Variants in KLHL32 observed in about 807,000 individuals in gnomAD.
The protein encoded by KLHL32 is kelch like family member 32, also known as kelch-like protein 32.
In KLHL32, 35 loss-of-function variants were observed where a neutral mutation model predicts 64.8. That is an observed-to-expected ratio of 0.54 (90% CI 0.41 to 0.72). The LOEUF is 0.72. Among genes scored for constraint, KLHL32 ranks in the 30% least tolerant of loss-of-function variants. KLHL32 has a pLI of 0.00. For missense variants in KLHL32, 589 were observed against 768.5 expected (o/e 0.77, Z 2.76); for synonymous variants, 259 against 281.0 (o/e 0.92, Z 0.78).
At chr6:97,007,591 GT>G (rs760419870) in intron 3 of KLHL32, among the ~76,000 whole-genome samples, 26 of 152,196 alleles carry the variant, frequency 1.7e-4, no homozygotes, top group Non-Finnish European at 3.1e-4. Flanking sequence ...TCTTGCACTG[GT>G]TCTTTCTCAT....
intron 5 of KLHL32, among the ~76,000 whole-genome samples, chr6:97,078,200 T>G (rs1884168): frequency 0.5 from 75,482 of 152,018 alleles, 19,614 homozygotes; most frequent in African/African-American, 0.64. Flanking sequence ...AAAAAGAGAA[T>G]TTCTTGACTT....
At chr6:97,083,772 A>C (rs1187443568) in intron 5 of KLHL32, among the ~76,000 whole-genome samples, 2 of 152,206 alleles carry the variant, frequency 1.3e-5, no homozygotes, top group Non-Finnish European at 2.9e-5. Context: ...TCTTTCTATA[A>C]CAGCAGTAAT....
chr6:97,094,411 T>C (rs1794681499), intron 6 of KLHL32, among the ~76,000 whole-genome samples: 1 of 152,188 alleles, frequency 6.6e-6, no homozygotes, highest in Admixed American at 6.5e-5. Context: ...CCAAAACTTC[T>C]GCTACAAGGA....
chr6:97,028,918 TAGAA>T (rs1377973928), intron 3 of KLHL32, among the ~76,000 whole-genome samples: 9 of 152,182 alleles, frequency 5.9e-5, no homozygotes, highest in African/African-American at 1.9e-4. Context: ...GGGATACAAT[TAGAA>T]AGTAACAGAA....
At chr6:96,976,887 C>T (rs1384609884) in intron 3 of KLHL32, among the ~76,000 whole-genome samples, 1 of 152,162 alleles carries the variant, frequency 6.6e-6, no homozygotes, top group African/African-American at 2.4e-5. Flanking sequence ...ACACACACCA[C>T]CGCGGCCAGC....
At chr6:96,919,965 C>T (rs181510640), upstream of KLHL32, among the ~76,000 whole-genome samples, 213 of 152,308 alleles carry the variant, frequency 1.4e-3, 1 homozygote, top group African/African-American at 4.7e-3. Flanking sequence ...GAAAACCAAT[C>T]AACCAACCGA....
intron 3 of KLHL32, among the ~76,000 whole-genome samples, chr6:97,000,081 A>T (rs1001398540): frequency 6.6e-6 from 1 of 152,252 alleles, no homozygotes; most frequent in African/African-American, 2.4e-5. Flanking sequence ...AAGAAGGAAA[A>T]GTCAAAGATA....
At chr6:97,020,184 ACCCGC>A (rs1781798320) in intron 3 of KLHL32, among the ~76,000 whole-genome samples, 1 of 145,870 alleles carries the variant, frequency 6.9e-6, no homozygotes, top group Admixed American at 7.0e-5. Context: ...CTCATGATCC[ACCCGC>A]TTCGGCCTCC....
intron 8 of KLHL32, among the ~76,000 whole-genome samples, chr6:97,128,724 G>T (rs936391773): frequency 6.6e-6 from 1 of 152,230 alleles, no homozygotes; most frequent in Non-Finnish European, 1.5e-5. Context: ...GTATTCACAT[G>T]CTAGCTTATT....
At chr6:97,105,441 A>G in intron 6 of KLHL32, 2 of 471,010 alleles carry the variant, frequency 4.2e-6, no homozygotes, top group Non-Finnish European at 4.4e-6. Flanking sequence ...CTGAATTTGC[A>G]GAAGTGTGGA....
At chr6:97,043,356 A>G (rs1785418075) in intron 4 of KLHL32, among the ~76,000 whole-genome samples, 1 of 152,138 alleles carries the variant, frequency 6.6e-6, no homozygotes, top group Non-Finnish European at 1.5e-5. Flanking sequence ...ACTTAACATA[A>G]TGTCCTCAAA....
chr6:97,008,530 A>C (rs1779952661), intron 3 of KLHL32, among the ~76,000 whole-genome samples: 3 of 151,906 alleles, frequency 2.0e-5, no homozygotes, highest in African/African-American at 7.2e-5. Flanking sequence ...TCCCATGCCA[A>C]ACTCTCTGAG....
Position 97,091,004 on chromosome 6 carries a change from G to A in KLHL32, c.627+5663G>A, listed in dbSNP as rs539957587. Among the ~76,000 whole-genome samples, 9 of 152,330 alleles carry A rather than the reference G, an allele frequency of 5.9e-5. No individual in the cohort carries two copies. In the South Asian group the frequency reaches 1.9e-3, roughly 32 times the overall value. On this transcript the variant is annotated intron_variant, in intron 6 of 10. Coordinates refer to ENST00000369261, the MANE Select transcript of KLHL32 (RefSeq NM_052904.4). ...ATTGGGAGGTTGAGGCAGGCTGATC[G>A]CTTGAGCCCAGAAGTTTGAGACCAG...
At chr6:97,106,448 C>G (rs1404039817) in intron 6 of KLHL32, among the ~76,000 whole-genome samples, 1 of 151,928 alleles carries the variant, frequency 6.6e-6, no homozygotes, top group African/African-American at 2.4e-5. Context: ...AACTAAAATA[C>G]ATTTAAAAAA....
chr6:96,919,376 C>G, the KLHL32 span, among the ~76,000 whole-genome samples: 1 of 152,098 alleles, frequency 6.6e-6, no homozygotes, highest in African/African-American at 2.4e-5. Flanking sequence ...GGGAAAGGGT[C>G]AGGAAAGAAT....
At chr6:96,910,752 G>T in the KLHL32 span, among the ~76,000 whole-genome samples, 1 of 152,078 alleles carries the variant, frequency 6.6e-6, no homozygotes, top group African/African-American at 2.4e-5. Context: ...GTATTAATAA[G>T]AATATGATTT....
intron 5 of KLHL32, among the ~76,000 whole-genome samples, chr6:97,070,466 A>G (rs1047603768): frequency 6.6e-6 from 1 of 152,158 alleles, no homozygotes; most frequent in Non-Finnish European, 1.5e-5. Flanking sequence ...TTTTTTTCAT[A>G]TGCTATTATG....
intron 6 of KLHL32, among the ~76,000 whole-genome samples, chr6:97,094,164 T>G (rs1431002199): frequency 6.6e-6 from 1 of 152,194 alleles, no homozygotes; most frequent in Non-Finnish European, 1.5e-5. Flanking sequence ...AATGACCCTG[T>G]GAGTCCTTTT....
At chr6:97,131,001 A>G (rs1799383204) in intron 9 of KLHL32, 52 bp downstream of exon 9, 1 of 1,534,126 alleles carries the variant, frequency 6.5e-7, no homozygotes, top group Non-Finnish European at 8.9e-7. Flanking sequence ...AGAAGTCACC[A>G]AACTTGTTTC....
Sources: gnomAD v4.1 joint callset for allele counts (sites outside exome capture counted in the v4.1 genomes callset) on GRCh38, gnomAD v4.1.1 for gene constraint, MANE v1.5 for transcripts, NCBI Gene and HGNC (gene_info 2026-07-23, HGNC 2026-07-21) for gene names.